PARD3B: variants seen among roughly 807,000 people sequenced by gnomAD.
The protein encoded by PARD3B is partitioning defective 3 homolog B.
PARD3B carries 103 observed loss-of-function variants against 130.2 expected under a neutral mutation model. That is an observed-to-expected ratio of 0.79 (90% CI 0.67 to 0.93). The LOEUF (loss-of-function observed/expected upper bound fraction) is 0.93. Among genes scored for constraint, PARD3B ranks in the 40% least tolerant of loss-of-function variants. PARD3B has a pLI of 0.00. For missense variants in PARD3B, 1,609 were observed against 1,499.2 expected (o/e 1.07, Z -1.21); for synonymous variants, 583 against 553.2 (o/e 1.05, Z -0.76).
chr2:204,746,136 C>G (rs1373450150), intron 2 of PARD3B, among the ~76,000 whole-genome samples: 1 of 98,876 alleles, frequency 1.0e-5, no homozygotes, highest in African/African-American at 4.1e-5. Flanking sequence ...CCCCCCTCCC[C>G]CCACCCTACA....
chr2:204,805,861 TC>T (rs770439740), intron 2 of PARD3B, among the ~76,000 whole-genome samples: 5 of 151,932 alleles, frequency 3.3e-5, no homozygotes, highest in Non-Finnish European at 5.9e-5. Context: ...AAATTCAACA[TC>T]CCTTCATGAT....
intron 2 of PARD3B, among the ~76,000 whole-genome samples, chr2:204,925,858 T>C (rs1188226807): frequency 1.3e-5 from 2 of 152,048 alleles, no homozygotes; most frequent in African/African-American, 4.8e-5. Flanking sequence ...GTGCTGTTTT[T>C]TGTGATAATG....
chr2:204,925,127 C>T (rs550376276), intron 2 of PARD3B, among the ~76,000 whole-genome samples: 1 of 151,768 alleles, frequency 6.6e-6, no homozygotes, highest in African/African-American at 2.4e-5. Flanking sequence ...AAAAGAAAAC[C>T]CATAGCTGAT....
chr2:205,511,363 C>G (rs1398924810), intron 21 of PARD3B, among the ~76,000 whole-genome samples: 1 of 152,114 alleles, frequency 6.6e-6, no homozygotes, highest in Non-Finnish European at 1.5e-5. Flanking sequence ...AAACCCTATG[C>G]TATACTTCCA....
At chr2:204,789,873 T>TTC (rs376182582) in intron 2 of PARD3B, among the ~76,000 whole-genome samples, 2,606 of 114,326 alleles carry the variant, frequency 0.023, 29 homozygotes, top group African/African-American at 0.043. Flanking sequence ...AGTTTTCTTC[T>TTC]TTTTTTTTTT....
At chr2:204,785,902 A>G (rs1305040722) in intron 2 of PARD3B, among the ~76,000 whole-genome samples, 3 of 152,232 alleles carry the variant, frequency 2.0e-5, no homozygotes, top group Non-Finnish European at 4.4e-5. Flanking sequence ...TCATGAGGTC[A>G]GGAGTTTGAG....
At chr2:205,293,110 C>CA (rs1430742976) in intron 16 of PARD3B, among the ~76,000 whole-genome samples, 2 of 151,550 alleles carry the variant, frequency 1.3e-5, no homozygotes, top group Non-Finnish European at 2.9e-5. Flanking sequence ...GGGAAAAATA[C>CA]AAAAAATTAT....
intron 11 of PARD3B, among the ~76,000 whole-genome samples, chr2:205,171,823 C>G (rs2035188337): frequency 6.6e-6 from 1 of 152,188 alleles, no homozygotes; most frequent in Non-Finnish European, 1.5e-5. Flanking sequence ...ATTCTCCTTT[C>G]AAGAGTTGTG....
chr2:204,898,096 A>G (rs2046709948), intron 2 of PARD3B, among the ~76,000 whole-genome samples: 1 of 151,784 alleles, frequency 6.6e-6, no homozygotes, highest in South Asian at 2.1e-4. Context: ...GAAATGGTAA[A>G]TTTTATGTAT....
intron 2 of PARD3B, among the ~76,000 whole-genome samples, chr2:204,898,175 CT>C (rs764715308): frequency 3.3e-5 from 5 of 149,814 alleles, no homozygotes; most frequent in East Asian, 2.0e-4. Flanking sequence ...TGGACCATTT[CT>C]TTTTTTTTAT....
intron 15 of PARD3B, among the ~76,000 whole-genome samples, chr2:205,204,775 T>C (rs970402575): frequency 2.0e-5 from 3 of 152,204 alleles, no homozygotes; most frequent in African/African-American, 7.2e-5. Flanking sequence ...GTGATGTTAT[T>C]TCTGAGGTCT....
At chr2:205,159,560 G>T (rs2034387355) in intron 11 of PARD3B, among the ~76,000 whole-genome samples, 1 of 152,182 alleles carries the variant, frequency 6.6e-6, no homozygotes, top group South Asian at 2.1e-4. Flanking sequence ...GTAGGCAAGG[G>T]TCTTGACCAG....
intron 10 of PARD3B, among the ~76,000 whole-genome samples, chr2:205,148,933 A>G (rs572837250): frequency 2.0e-5 from 3 of 152,316 alleles, no homozygotes; most frequent in Middle Eastern, 3.4e-3. Context: ...AAGGTTCAGC[A>G]TGGATGCTTT....
intron 18 of PARD3B, among the ~76,000 whole-genome samples, chr2:205,332,156 G>C (rs2043161426): frequency 6.6e-6 from 1 of 152,112 alleles, no homozygotes; most frequent in Admixed American, 6.6e-5. Flanking sequence ...TAATATAAAA[G>C]ATAGTATTTT....
chr2:205,086,938 T>G (rs1196950040), intron 4 of PARD3B, among the ~76,000 whole-genome samples: 2 of 152,214 alleles, frequency 1.3e-5, no homozygotes, highest in Non-Finnish European at 1.5e-5. Context: ...AAGCATGGTG[T>G]TGTAAATACA....
rs1182294397 is a variant in PARD3B at position 205,121,647 on chromosome 2, T to C, written c.863T>C (p.Leu288Pro). Residue 288 changes from leucine to proline, a missense_variant, in exon 8 of 23, where the codon CTT (leucine) becomes CCT (proline). Transcript: ENST00000406610. This position sits in a 1 kb window ranked among gnomAD's most constrained non-coding sequence, Gnocchi z 5.0. ...MKSPSVLLHV[L>P]PPQNREQYEK... Reference sequence around the variant, plus strand: ...TCTCCAAGTGTGCTCCTCCACGTGCTTCCTCCACAAAACCGTGAACAGTAT... The same window carrying C: ...TCTCCAAGTGTGCTCCTCCACGTGCCTCCTCCACAAAACCGTGAACAGTAT... 3 of 1,614,176 alleles carry C rather than the reference T, an allele frequency of 1.9e-6. No homozygotes were observed. The highest frequency in any genetic ancestry group is 3.3e-5 in the Admixed American group (2 of 60,018).
intron 20 of PARD3B, among the ~76,000 whole-genome samples, chr2:205,469,228 T>C (rs1259781239): frequency 2.6e-5 from 4 of 152,202 alleles, no homozygotes; most frequent in Non-Finnish European, 5.9e-5. Context: ...CAAGGGACTC[T>C]ACCCTTAGCT....
intron 15 of PARD3B, among the ~76,000 whole-genome samples, chr2:205,231,438 CACCTT>C (rs1252973552): frequency 6.6e-6 from 1 of 151,844 alleles, no homozygotes; most frequent in African/African-American, 2.4e-5. Flanking sequence ...GCAGTCCTCC[CACCTT>C]AGCCTCTTGA....
chr2:205,099,935 A>G (rs1194786360), intron 4 of PARD3B, among the ~76,000 whole-genome samples: 1 of 152,150 alleles, frequency 6.6e-6, no homozygotes, highest in Non-Finnish European at 1.5e-5. Context: ...TATTCTTTTT[A>G]AAGTCTGTAG....
Sources: gnomAD v4.1 joint callset for allele counts (sites outside exome capture counted in the v4.1 genomes callset) on GRCh38, gnomAD v4.1.1 for gene constraint, Gnocchi (gnomAD v3.1) non-coding constraint, MANE v1.5 for transcripts, NCBI Gene and HGNC (gene_info 2026-07-23, HGNC 2026-07-21) for gene names.